HHIP: variants seen among roughly 807,000 people sequenced by gnomAD.
HHIP encodes hedgehog interacting protein.
A neutral mutation model predicts 74.0 loss-of-function variants in HHIP; 12 were observed. The observed-to-expected ratio is 0.16, with a 90% CI of 0.10 to 0.26. The LOEUF (loss-of-function observed/expected upper bound fraction) is 0.26. Among genes scored for constraint, HHIP ranks in the 10% least tolerant of loss-of-function variants. HHIP has a pLI of 1.00. For missense variants in HHIP, 788 were observed against 845.0 expected (o/e 0.93, Z 0.84); for synonymous variants, 309 against 311.6 (o/e 0.99, Z 0.09).
chr4:144,688,023 G>T (rs755556444), intron 4 of HHIP, among the ~76,000 whole-genome samples: 1 of 151,764 alleles, frequency 6.6e-6, no homozygotes, highest in South Asian at 2.1e-4. Context: ...GCAACTGGTC[G>T]AACCAGGATT....
At chr4:144,674,432 T>C (rs2126611399) in intron 4 of HHIP, among the ~76,000 whole-genome samples, 1 of 152,338 alleles carries the variant, frequency 6.6e-6, no homozygotes, top group East Asian at 1.9e-4. Context: ...GTCAACTTCC[T>C]TGGCTGGGTT....
chr4:144,708,403 G>A, intron 7 of HHIP, 92 bp downstream of exon 7: 1 of 1,341,960 alleles, frequency 7.5e-7, no homozygotes, highest in Non-Finnish European at 1.0e-6. Flanking sequence ...TACCATCACA[G>A]AGCAGCCAAA....
chr4:144,679,909 A>G (rs1269119090), intron 4 of HHIP, among the ~76,000 whole-genome samples: 1 of 152,190 alleles, frequency 6.6e-6, no homozygotes, highest in Non-Finnish European at 1.5e-5. Flanking sequence ...TTATTCACTT[A>G]TATAAAAACA....
Position 144,714,276 on chromosome 4 carries a change from T to C in HHIP, c.1475T>C (p.Val492Ala), listed in dbSNP as rs1163203371. 3.7e-6 allele frequency: 6 copies of C among 1,613,422 alleles called. No individual in the cohort carries two copies. Among genetic ancestry groups the C allele is most frequent in the South Asian group, 1.1e-5 (1 of 91,048 alleles). ...AAGCCATTCAGTAATGGTCCTTTGGTTGGTGGATTTGTATACCGGGGCTGC... is the reference window on the plus strand; with the variant it reads ...AAGCCATTCAGTAATGGTCCTTTGGCTGGTGGATTTGTATACCGGGGCTGC... Reference protein sequence around the residue: ...EFKPFSNGPLVGGFVYRGCQS... With the variant: ...EFKPFSNGPLAGGFVYRGCQS... The change falls in exon 9 of 13, where the codon GTT becomes GCT. Residue 492 changes from valine to alanine, a missense_variant. Physicochemically the swap from Val to Ala is moderately conservative, Grantham distance 64. Coordinates refer to ENST00000296575, the MANE Select transcript of HHIP (RefSeq NM_022475.3).
intron 4 of HHIP, among the ~76,000 whole-genome samples, chr4:144,703,077 T>C (rs905065401): frequency 1.3e-5 from 2 of 152,152 alleles, no homozygotes; most frequent in Middle Eastern, 3.4e-3. Flanking sequence ...TAGCTGGGCA[T>C]GGTGCAAGTG....
chr4:144,652,154 A>C (rs2126576590), intron 1 of HHIP, among the ~76,000 whole-genome samples: 1 of 152,270 alleles, frequency 6.6e-6, no homozygotes, highest in Middle Eastern at 3.4e-3. Context: ...TATCATATTA[A>C]GAATTTCAGG....
At chr4:144,646,994 T>A in intron 1 of HHIP, 40 bp downstream of exon 1, 1 of 1,539,338 alleles carries the variant, frequency 6.5e-7, no homozygotes, top group South Asian at 1.3e-5. Flanking sequence ...ACTTGGCATA[T>A]TGGCTGGGTG....
At chr4:144,650,897 G>C (rs942966262) in intron 1 of HHIP, 21 of 152,006 alleles carry the variant, frequency 1.4e-4, no homozygotes, top group African/African-American at 5.1e-4. Flanking sequence ...GAGTATATGA[G>C]GATCATTTTG....
At chr4:144,729,995 A>G (rs11100865) in intron 11 of HHIP, among the ~76,000 whole-genome samples, 82,368 of 152,000 alleles carry the variant, frequency 0.54, 23,201 homozygotes, top group South Asian at 0.76. Context: ...GTACCTCCGC[A>G]CAGAATCAAA....
chr4:144,675,057 C>A (rs767139732), intron 4 of HHIP, among the ~76,000 whole-genome samples: 2 of 152,096 alleles, frequency 1.3e-5, no homozygotes, highest in Non-Finnish European at 2.9e-5. Context: ...ACAGTGTTAA[C>A]CACAATTTTG....
chr4:144,652,609 T>C lies in HHIP; in HGVS notation c.284T>C (p.Phe95Ser). 6.3e-7 allele frequency: 1 copy of C among 1,594,866 alleles called. No homozygotes were observed. Among genetic ancestry groups the C allele is most frequent in the Admixed American group, 1.8e-5 (1 of 56,072 alleles). Residue 95 changes from phenylalanine (F) to serine (S), a missense_variant, in exon 2 of 13, where the codon TTT becomes TCT. Phe to Ser is a radical substitution (Grantham distance 155). This residue lies in a region of HHIP where 373 missense variants were observed against 366.4 expected (regional missense o/e 1.02). Transcript: ENST00000296575. ...PGLGRLENKI[F>S]SVTNNTECGK... is the part of the protein sequence containing the mutation. Reference sequence around the variant, plus strand: ...CTTCTGATTTATGGCTTTCAGATATTTTCTGTTACCAACAACACAGAATGT... The same window carrying C: ...CTTCTGATTTATGGCTTTCAGATATCTTCTGTTACCAACAACACAGAATGT...
chr4:144,651,976 T>C (rs893801259), intron 1 of HHIP, among the ~76,000 whole-genome samples: 1 of 152,084 alleles, frequency 6.6e-6, no homozygotes, highest in Admixed American at 6.6e-5. Context: ...GGCTAAGATA[T>C]AATGAATAAT....
intron 3 of HHIP, 102 bp from the exon 4 acceptor site, chr4:144,659,535 A>T (rs544789373): frequency 1.4e-6 from 1 of 728,444 alleles, no homozygotes; most frequent in East Asian, 2.9e-5. Flanking sequence ...GGTTCTCAAA[A>T]CCATGATTCC....
chr4:144,683,753 T>C (rs749554319), intron 4 of HHIP, among the ~76,000 whole-genome samples: 1 of 152,208 alleles, frequency 6.6e-6, no homozygotes, highest in Non-Finnish European at 1.5e-5. Flanking sequence ...ACTTTTGTGC[T>C]ACAACAGCGA....
Position 144,722,667 on chromosome 4 carries a change from A to C in HHIP, c.1760+3711A>C, listed in dbSNP as rs905701423. ...CAGGAGTTCAAGACCAGCCTGGCCAACATGGTGAAACCCTCTATCTACTAA... is the reference window on the plus strand; with the variant it reads ...CAGGAGTTCAAGACCAGCCTGGCCACCATGGTGAAACCCTCTATCTACTAA... On this transcript the variant is annotated intron_variant, in intron 11 of 12. Transcript: ENST00000296575. Among the ~76,000 whole-genome samples, 5 of 152,158 alleles carry C rather than the reference A, an allele frequency of 3.3e-5. No individual in the cohort carries two copies. In the East Asian group the frequency reaches 9.7e-4, roughly 29 times the overall value.
chr4:144,691,674 C>A (rs1273249316), intron 4 of HHIP, among the ~76,000 whole-genome samples: 1 of 151,794 alleles, frequency 6.6e-6, no homozygotes, highest in Admixed American at 6.6e-5. Flanking sequence ...GAAGGAGATG[C>A]CTTTTTAAAT....
At chr4:144,685,981 C>G (rs1291215600) in intron 4 of HHIP, among the ~76,000 whole-genome samples, 1 of 152,140 alleles carries the variant, frequency 6.6e-6, no homozygotes, top group Non-Finnish European at 1.5e-5. Flanking sequence ...TTTTGCTGCC[C>G]TCTTGGGTGG....
At position 144,743,384 on chromosome 4, in the gene HHIP, CAAAAT is replaced by C. The variant is rs1316009578; in HGVS notation, c.*5432_*5436del. 6.6e-6 allele frequency: 1 copy of C among 151,638 alleles called. No homozygotes were observed. Among genetic ancestry groups the C allele is most frequent in the African/African-American group, 2.4e-5 (1 of 41,326 alleles). The allele number at this position is 151,638 out of a possible 1,614,324, so 9.4% of individuals were successfully genotyped here. On this transcript the variant is annotated 3_prime_UTR_variant, in exon 13 of 13. Transcript: ENST00000296575. ...TATAAGTCATATATAAGTCCATTGA[CAAAAT>C]AAAAAAATAAATAATTGGATTCCTT... is the stretch of plus-strand genomic sequence containing the variant.
intron 12 of HHIP, among the ~76,000 whole-genome samples, chr4:144,736,337 C>T (rs1467299797): frequency 6.6e-6 from 1 of 151,820 alleles, no homozygotes; most frequent in Non-Finnish European, 1.5e-5. Context: ...GTTTCCACCA[C>T]GTTGGCCAGG....
Sources: gnomAD v4.1 joint callset for allele counts (sites outside exome capture counted in the v4.1 genomes callset) on GRCh38, gnomAD v4.1.1 for gene constraint, gnomAD v4.1.1 regional missense constraint, MANE v1.5 for transcripts, NCBI Gene and HGNC (gene_info 2026-07-23, HGNC 2026-07-21) for gene names.